The following RAF1 variants were observed in gnomAD, a reference collection of about 807,000 sequenced individuals.
RAF1 encodes Raf-1 proto-oncogene, serine/threonine kinase.
In RAF1, 27 loss-of-function variants were observed where a neutral mutation model predicts 81.1. The ratio of observed to expected loss-of-function variants is 0.33; its 90% CI spans 0.25 to 0.46. RAF1 has a LOEUF of 0.46. RAF1 is among the 20% of genes least tolerant of loss of function. The probability of loss-of-function intolerance (pLI) is 1.00; values close to 1 mark genes in which losing one functional copy is unlikely to be tolerated. For synonymous variants in RAF1, 298 were observed against 294.0 expected (o/e 1.01, Z -0.14); for missense variants, 598 against 826.0 (o/e 0.72, Z 3.38).
intron 1 of RAF1, among the ~76,000 whole-genome samples, chr3:12,658,758 A>G (rs2060779640): frequency 6.6e-6 from 1 of 152,186 alleles, no homozygotes; most frequent in African/African-American, 2.4e-5. Context: ...AACCCCTTAG[A>G]ATCTGGTCTA....
intron 12 of RAF1, among the ~76,000 whole-genome samples, chr3:12,591,289 A>C (rs2058507822): frequency 6.6e-6 from 1 of 152,174 alleles, no homozygotes; most frequent in Non-Finnish European, 1.5e-5. Flanking sequence ...AGTCTCCATT[A>C]TATGACTTAT....
chr3:12,587,556 C>T lies in RAF1; in HGVS notation c.1477+35G>A, dbSNP rs376192767. ...CCTTCTGTTTCCCTAAATTTAGAAC[C>T]GAGCAGTCAAATGAACTCAACAACC... On this transcript the variant is annotated intron_variant, in intron 14 of 17. Transcript: ENST00000442415. 28 of 1,575,296 alleles carry T rather than the reference C, an allele frequency of 1.8e-5. No individual in the cohort carries two copies. In the Middle Eastern group the frequency reaches 5.0e-4, roughly 28 times the overall value.
At chr3:12,615,581 T>C (rs1467989160) in intron 2 of RAF1, among the ~76,000 whole-genome samples, 1 of 152,192 alleles carries the variant, frequency 6.6e-6, no homozygotes, top group Non-Finnish European at 1.5e-5. Context: ...GCTGCGTGCC[T>C]GGTGAAAGCA....
chr3:12,656,327 GAA>G (rs1256608082), intron 1 of RAF1, among the ~76,000 whole-genome samples: 1 of 152,056 alleles, frequency 6.6e-6, no homozygotes, highest in Non-Finnish European at 1.5e-5. Flanking sequence ...TGCTTGAGCT[GAA>G]GAGTCAGTGT....
chr3:12,663,897 G>A lies in RAF1; in HGVS notation c.-111C>T, dbSNP rs2060966244. On this transcript the variant is annotated 5_prime_UTR_variant, in exon 1 of 18. Transcript: ENST00000442415. The stretch of plus-strand genomic sequence containing the variant: ...TCCTCCCCGCGGCGGGTGAGGGAGC[G>A]GGAGGCGGTCACATTCGGCGCGTCC... 3 of 398,190 alleles carry A rather than the reference G, an allele frequency of 7.5e-6. No homozygotes were observed. The highest frequency in any genetic ancestry group is 2.1e-5 in the African/African-American group (1 of 48,732). 24.7% of individuals were successfully genotyped at this position (398,190 alleles called of 1,614,324 possible). A position where few individuals can be genotyped will look rare whatever the true frequency, so the allele number is the denominator to read the frequency against.
chr3:12,606,390 C>T (rs752496913), intron 5 of RAF1, 91 bp from the exon 6 acceptor site: 246 of 890,504 alleles, frequency 2.8e-4, no homozygotes, highest in Non-Finnish European at 4.3e-4. Flanking sequence ...CTCAGAGCTA[C>T]TAAAACTGAA....
At chr3:12,593,350 G>A (rs2058580002) in intron 11 of RAF1, among the ~76,000 whole-genome samples, 2 of 152,036 alleles carry the variant, frequency 1.3e-5, no homozygotes, top group South Asian at 4.2e-4. Context: ...TGGAGTGCTG[G>A]GATTACAAGC....
intron 1 of RAF1, among the ~76,000 whole-genome samples, chr3:12,659,714 A>G (rs2060816652): frequency 6.6e-6 from 1 of 152,190 alleles, no homozygotes; most frequent in Admixed American, 6.5e-5. Flanking sequence ...AACTAAGTCA[A>G]AAAGCTCAAT....
At chr3:12,616,750 A>G (rs1465169784) in intron 2 of RAF1, among the ~76,000 whole-genome samples, 1 of 152,174 alleles carries the variant, frequency 6.6e-6, no homozygotes, top group Non-Finnish European at 1.5e-5. Flanking sequence ...ACCTGACTAT[A>G]TGGAATAAAC....
rs776351652 is a variant in RAF1, at chr3:12,591,614, C to T, written c.1253+94G>A. The T allele has an allele frequency of 1.6e-4, 183 of 1,126,626 alleles. 1 individual carries two copies. The Admixed American group carries it at 2.8e-3, about 18-fold the overall frequency. The allele number at this position is 1,126,626 out of a possible 1,614,324, so 69.8% of individuals were successfully genotyped here. ...CCACAGTGAGTCCTAACTGCCTGCC[C>T]GTCCCAACCTGCGGCACAGTCCACT... is the stretch of plus-strand genomic sequence containing the variant. On this transcript the variant is annotated intron_variant, in intron 12 of 17. Transcript: ENST00000442415.
At chr3:12,643,911 T>C (rs766140587) in intron 1 of RAF1, among the ~76,000 whole-genome samples, 14 of 152,158 alleles carry the variant, frequency 9.2e-5, no homozygotes, top group Non-Finnish European at 1.9e-4. Flanking sequence ...TCAACAGTCA[T>C]TTCAGCCTTC....
intron 10 of RAF1, 64 bp downstream of exon 9, chr3:12,600,088 A>T: frequency 3.1e-6 from 5 of 1,602,866 alleles, no homozygotes; most frequent in Non-Finnish European, 3.4e-6. Context: ...TAAGTATTCT[A>T]ATTTCCAACG....
At position 12,583,632 on chromosome 3, in the gene RAF1, TAA is replaced by T. The variant is rs2058210020; in HGVS notation, c.*880_*881del. The T allele has an allele frequency of 3.4e-5, 8 of 232,528 alleles. No individual in the cohort carries two copies. The Admixed American group carries it at 3.9e-4, about 11-fold the overall frequency. The allele number at this position is 232,528 out of a possible 1,614,324, so 14.4% of individuals were successfully genotyped here. A position where few individuals can be genotyped will look rare whatever the true frequency, so the allele number is the denominator to read the frequency against. On this transcript the variant is annotated 3_prime_UTR_variant, in exon 18 of 18. Transcript: ENST00000442415. Reference sequence around the variant, plus strand: ...CTAAATTTAATTTATTTTATTAAAATAACATAATTGAGGGACCATCAGATAAC... The same window carrying T: ...CTAAATTTAATTTATTTTATTAAAATCATAATTGAGGGACCATCAGATAAC...
chr3:12,644,884 G>A (rs2060297270), intron 1 of RAF1, among the ~76,000 whole-genome samples: 1 of 151,940 alleles, frequency 6.6e-6, no homozygotes, highest in Non-Finnish European at 1.5e-5. Context: ...TGGATCACAA[G>A]GTCAAGAGAG....
Position 12,585,059 on chromosome 3 carries a change from T to A in RAF1, c.1728+63A>T, listed in dbSNP as rs974199162. ...TAACAAGTCCTAACCCTCTAGCTGC[T>A]TAGGCTGGCGGAGGCCCAGGGGCTC... On this transcript the variant is annotated intron_variant, in intron 16 of 17. Transcript: ENST00000442415. 5 of 1,614,006 alleles carry A rather than the reference T, an allele frequency of 3.1e-6. No homozygotes were observed. The African/African-American group carries it at 5.3e-5, about 17-fold the overall frequency.
At chr3:12,621,836 G>A (rs1575606282) in intron 1 of RAF1, among the ~76,000 whole-genome samples, 1 of 152,118 alleles carries the variant, frequency 6.6e-6, no homozygotes, top group African/African-American at 2.4e-5. Context: ...AAATGAACAA[G>A]TCTGAACCCT....
rs2058792477 is a variant in RAF1, at chr3:12,599,592, C to T, written c.1168+99G>A. The T allele has an allele frequency of 2.7e-5, 23 of 854,294 alleles. 1 individual carries two copies. In the South Asian group the frequency reaches 2.8e-4, roughly 10 times the overall value. 52.9% of individuals were successfully genotyped at this position (854,294 alleles called of 1,614,324 possible). A position where few individuals can be genotyped will look rare whatever the true frequency, so the allele number is the denominator to read the frequency against. ...TGTAAGGGAGAGTACTGCTATAAGCCCAGGAGCACTCAGTCCTCTCCTCCT... is the reference window on the plus strand; with the variant it reads ...TGTAAGGGAGAGTACTGCTATAAGCTCAGGAGCACTCAGTCCTCTCCTCCT... On this transcript the variant is annotated intron_variant, in intron 11 of 17. Coordinates refer to ENST00000442415, the MANE Select transcript of RAF1 (RefSeq NM_001354689.3).
intron 1 of RAF1, among the ~76,000 whole-genome samples, chr3:12,640,772 A>G (rs1316869588): frequency 6.6e-6 from 1 of 152,156 alleles, no homozygotes; most frequent in Admixed American, 6.5e-5. Flanking sequence ...GTGGGACTGT[A>G]AACTAGTTCA....
rs551257532 is a variant in RAF1, at chr3:12,628,020, T to G, written c.-26-9273A>C. Among the ~76,000 whole-genome samples the G allele has an allele frequency of 4.6e-5, 7 of 152,342 alleles. No individual in the cohort carries two copies. In the East Asian group the frequency reaches 1.2e-3, roughly 25 times the overall value. On this transcript the variant is annotated intron_variant, in intron 1 of 17. Coordinates refer to ENST00000442415, the MANE Select transcript of RAF1 (RefSeq NM_001354689.3). ...CTGTAATCCCAGCTACTCGGGAGGC[T>G]GAGGCAGGATAATCGCTTGAACCTG...
Sources: gnomAD v4.1 joint callset for allele counts (sites outside exome capture counted in the v4.1 genomes callset) on GRCh38, gnomAD v4.1.1 for gene constraint, MANE v1.5 for transcripts, NCBI Gene and HGNC (gene_info 2026-07-23, HGNC 2026-07-21) for gene names.